Variants in NCOR2 observed in about 807,000 individuals in gnomAD.
NCOR2 encodes nuclear receptor corepressor 2.
NCOR2 carries 81 observed loss-of-function variants against 262.9 expected under a neutral mutation model. The ratio of observed to expected loss-of-function variants is 0.31; its 90% CI spans 0.26 to 0.37. The LOEUF (loss-of-function observed/expected upper bound fraction) is 0.37, where lower values mean the gene tolerates loss of function less well. Among genes scored for constraint, NCOR2 ranks in the 10% least tolerant of loss-of-function variants. NCOR2 has a pLI of 1.00. For missense variants in NCOR2, 3,385 were observed against 3,621.4 expected (o/e 0.93, Z 1.68); for synonymous variants, 1,659 against 1,559.3 (o/e 1.06, Z -1.51).
chr12:124,537,309 C>T (rs943430928), upstream of NCOR2, among the ~76,000 whole-genome samples: 3 of 152,206 alleles, frequency 2.0e-5, no homozygotes, highest in Non-Finnish European at 2.9e-5. Context: ...GTACAGAGGG[C>T]AGAGCACTGG....
intron 25 of NCOR2, 41 bp downstream of exon 27, chr12:124,354,796 C>T: frequency 1.9e-6 from 3 of 1,586,156 alleles, no homozygotes; most frequent in Non-Finnish European, 2.6e-6. Flanking sequence ...ACAGCCAGAG[C>T]CCAGCCTGAG....
At chr12:124,428,933 G>A (rs1476696398) in intron 10 of NCOR2, among the ~76,000 whole-genome samples, 3 of 152,298 alleles carry the variant, frequency 2.0e-5, no homozygotes, top group East Asian at 3.9e-4. Context: ...CACAGGACCC[G>A]GGAGGGAACA....
At position 124,523,648 on chromosome 12, in the gene NCOR2, A is replaced by C. The variant is rs532589766; in HGVS notation, c.-118+11917T>G. On this transcript the variant is annotated intron_variant, in intron 1 of 46. Coordinates refer to the NCOR2 transcript ENST00000404621. This position sits in a 1 kb window ranked among gnomAD's most constrained non-coding sequence, Gnocchi z 4.0. ...ATAGCTGATGAACTAAAAAAAAAAA[A>C]AACAAAAAACCGAAAAACAATCTGT... Among the ~76,000 whole-genome samples the C allele has an allele frequency of 9.5e-4, 144 of 151,898 alleles. No homozygotes were observed. The highest frequency in any genetic ancestry group is 1.6e-3 in the Non-Finnish European group (110 of 67,892).
At chr12:124,416,873 C>A (rs1042598615) in intron 13 of NCOR2, among the ~76,000 whole-genome samples, 1 of 151,576 alleles carries the variant, frequency 6.6e-6, no homozygotes, top group East Asian at 1.9e-4. Flanking sequence ...CACAGATAGA[C>A]CCGCCGCACA....
chr12:124,334,888 T>C (rs927651091), intron 40 of NCOR2: 15 of 629,722 alleles, frequency 2.4e-5, no homozygotes, highest in African/African-American at 5.5e-5. Flanking sequence ...GAAGGCCTCA[T>C]TGCCCGTGAA....
chr12:124,515,367 G>A (rs4765575), intron 1 of NCOR2, among the ~76,000 whole-genome samples: 3,161 of 105,046 alleles, frequency 0.03, 55 homozygotes, highest in Middle Eastern at 0.098. Context: ...AGTGAGACTC[G>A]GTTTCAAAAA....
chr12:124,552,991 A>G (rs1305703838), intron 1 of NCOR2, among the ~76,000 whole-genome samples: 1 of 152,188 alleles, frequency 6.6e-6, no homozygotes, highest in East Asian at 1.9e-4. Context: ...CAGCCAGCAT[A>G]AGTTTATTAC....
At chr12:124,385,938 G>C in intron 16 of NCOR2, 51 bp from the exon 19 acceptor site, 2 of 1,589,806 alleles carry the variant, frequency 1.3e-6, no homozygotes, top group Non-Finnish European at 1.7e-6. Context: ...GGCACGCAGA[G>C]GGGGCCTGCA....
rs147821887 is a variant in NCOR2, at chr12:124,338,237, G to A, written c.5688-1057C>T. Among the ~76,000 whole-genome samples, 865 of 152,326 alleles carry A rather than the reference G, an allele frequency of 5.7e-3. 5 individuals carry two copies. The highest frequency in any genetic ancestry group is 9.2e-3 in the Non-Finnish European group (627 of 68,034). ...AAATAGGTCCTGGAGGCTGAGTGCG[G>A]TGGCGCACGCCTGTAATCCCGGCAC... On this transcript the variant is annotated intron_variant, in intron 37 of 46. Coordinates refer to ENST00000405201, the Ensembl canonical transcript of NCOR2.
chr12:124,403,118 C>T (rs2042070810), intron 13 of NCOR2, among the ~76,000 whole-genome samples: 1 of 152,132 alleles, frequency 6.6e-6, no homozygotes, highest in Non-Finnish European at 1.5e-5. Context: ...CCCAGCCCTG[C>T]CCTGCCCCCG....
intron 14 of NCOR2, among the ~76,000 whole-genome samples, chr12:124,402,043 T>A (rs2342921): frequency 1.3e-5 from 2 of 152,062 alleles, no homozygotes; most frequent in South Asian, 2.1e-4. Context: ...CCTTTCCCCC[T>A]TCCTGGCGCC....
chr12:124,545,268 C>A (rs1195668003), intron 1 of NCOR2, among the ~76,000 whole-genome samples: 1 of 152,132 alleles, frequency 6.6e-6, no homozygotes, highest in Non-Finnish European at 1.5e-5. Context: ...TCCCTGCCTC[C>A]CACCTCCGCA....
At chr12:124,539,427 T>A (rs1313732406), upstream of NCOR2, 1 of 152,710 alleles carries the variant, frequency 6.5e-6, no homozygotes, top group African/African-American at 2.4e-5. The surrounding 1 kb of genome is among the most constrained non-coding windows in gnomAD (Gnocchi z 5.1). Flanking sequence ...AGCTCCTTCA[T>A]GCTCACTGTC....
intron 1 of NCOR2, among the ~76,000 whole-genome samples, chr12:124,501,072 A>ACGCGCGCGCG (rs2048704794): frequency 1.7e-5 from 1 of 57,620 alleles, no homozygotes; most frequent in African/African-American, 4.6e-5. Context: ...GCACACACAC[A>ACGCGCGCGCG]CACACACACA....
At chr12:124,409,172 G>A (rs1378037524) in intron 13 of NCOR2, among the ~76,000 whole-genome samples, 2 of 152,218 alleles carry the variant, frequency 1.3e-5, no homozygotes, top group Non-Finnish European at 2.9e-5. Flanking sequence ...GCCAGCCGAG[G>A]CTCTGTTGTA....
In NCOR2 at chr12:124,359,395, C is replaced by T. The variant is rs150037211; in HGVS notation, c.3101-2613G>A. 3.8e-3 allele frequency among the ~76,000 whole-genome samples: 586 copies of T among 152,348 alleles called. 4 individuals are homozygous for T. Among genetic ancestry groups the T allele is most frequent in the African/African-American group, 0.014 (568 of 41,586 alleles). On this transcript the variant is annotated intron_variant, in intron 22 of 46. Coordinates refer to ENST00000405201, the Ensembl canonical transcript of NCOR2. ...ATCAATTAATGATGCCTGCTGTGAG[C>T]AGAGCAGGTGGGCAAGAAGGCCTAT...
At chr12:124,527,390 A>T (rs1442391283) in intron 1 of NCOR2, among the ~76,000 whole-genome samples, 2 of 152,186 alleles carry the variant, frequency 1.3e-5, no homozygotes, top group Non-Finnish European at 2.9e-5. Flanking sequence ...CCTACTTTAC[A>T]AGAGCTTTTA....
intron 1 of NCOR2, among the ~76,000 whole-genome samples, chr12:124,490,752 G>A (rs1014679376): frequency 3.9e-5 from 6 of 152,222 alleles, no homozygotes; most frequent in African/African-American, 1.2e-4. Context: ...TTAGCCCAGG[G>A]CAGTACTACT....
At chr12:124,386,558 C>G (rs1220712536) in intron 16 of NCOR2, among the ~76,000 whole-genome samples, 1 of 152,154 alleles carries the variant, frequency 6.6e-6, no homozygotes, top group Non-Finnish European at 1.5e-5. Context: ...AATTTGCTCC[C>G]AAACCCCAAC....
Sources: allele counts gnomAD v4.1 joint callset (sites outside exome capture counted in the v4.1 genomes callset), GRCh38; gene constraint gnomAD v4.1.1; non-coding constraint Gnocchi (gnomAD v3.1); transcripts MANE v1.5; gene names NCBI Gene and HGNC (gene_info 2026-07-23, HGNC 2026-07-21).